FAT3: variants seen among roughly 807,000 people sequenced by gnomAD.
The protein encoded by FAT3 is protocadherin Fat 3.
FAT3 carries 95 observed loss-of-function variants against 310.2 expected under a neutral mutation model. The observed-to-expected ratio is 0.31, with a 90% CI of 0.26 to 0.36. FAT3 has a LOEUF of 0.36. FAT3 is among the 10% of genes least tolerant of loss of function. The probability of loss-of-function intolerance (pLI) is 1.00; values close to 1 mark genes in which losing one functional copy is unlikely to be tolerated. For synonymous variants in FAT3, 2,314 were observed against 2,192.9 expected (o/e 1.06, Z -1.54); for missense variants, 5,408 against 5,715.6 (o/e 0.95, Z 1.74).
Position 92,382,811 on chromosome 11 carries a change from C to A in FAT3, c.3292+27407C>A, listed in dbSNP as rs149765232. 5.6e-3 allele frequency among the ~76,000 whole-genome samples: 852 copies of A among 152,192 alleles called. 10 individuals are homozygous for A. The highest frequency in any genetic ancestry group is 0.019 in the African/African-American group (799 of 41,532). ...CAGGTATGGGTAGGCCAGGCTTCTG[C>A]CTTTTTAAAATTTTTATTTTCTTCA... On this transcript the variant is annotated intron_variant, in intron 2 of 27. Transcript: ENST00000525166.
chr11:92,533,279 T>G (rs912560815), intron 3 of FAT3, among the ~76,000 whole-genome samples: 5 of 152,048 alleles, frequency 3.3e-5, no homozygotes, highest in Admixed American at 6.6e-5. Context: ...CCTCCCATCT[T>G]CCCATGTGCT....
chr11:92,745,429 T>C (rs941939305), intron 4 of FAT3, among the ~76,000 whole-genome samples: 17 of 152,154 alleles, frequency 1.1e-4, no homozygotes, highest in African/African-American at 4.1e-4. Flanking sequence ...TAGTCACCAT[T>C]GTACTAAAGA....
At chr11:92,466,167 T>G (rs1000518854) in intron 2 of FAT3, among the ~76,000 whole-genome samples, 2 of 152,206 alleles carry the variant, frequency 1.3e-5, no homozygotes, top group African/African-American at 4.8e-5. Context: ...ATGTGAGCTC[T>G]GACTCTTTGA....
intron 2 of FAT3, among the ~76,000 whole-genome samples, chr11:92,425,919 A>T (rs1489922094): frequency 6.6e-6 from 1 of 152,222 alleles, no homozygotes; most frequent in Non-Finnish European, 1.5e-5. Flanking sequence ...TTATTGTATC[A>T]AATGGTATTT....
intron 4 of FAT3, among the ~76,000 whole-genome samples, chr11:92,749,630 ATGACGGAGG>A (rs1945774953): frequency 6.6e-6 from 1 of 152,198 alleles, no homozygotes; most frequent in Non-Finnish European, 1.5e-5. Flanking sequence ...ATATGAGACT[ATGACGGAGG>A]TAGGAAAATA....
At chr11:92,723,686 C>A (rs1457564534) in intron 4 of FAT3, among the ~76,000 whole-genome samples, 1 of 152,178 alleles carries the variant, frequency 6.6e-6, no homozygotes, top group East Asian at 1.9e-4. Context: ...CTGGGGAGGC[C>A]TATCTATCAT....
At chr11:92,731,644 G>T (rs1591658952) in intron 4 of FAT3, among the ~76,000 whole-genome samples, 1 of 151,934 alleles carries the variant, frequency 6.6e-6, no homozygotes, top group East Asian at 1.9e-4. Flanking sequence ...GATAATGATA[G>T]TGTCTTACTC....
intron 1 of FAT3, among the ~76,000 whole-genome samples, chr11:92,283,360 A>G (rs1946477578): frequency 1.3e-5 from 2 of 152,146 alleles, no homozygotes; most frequent in African/African-American, 4.8e-5. Flanking sequence ...ACACCAAACC[A>G]CCACCTTAAG....
In FAT3 at chr11:92,581,370, C is replaced by T. The variant is rs540281875; in HGVS notation, c.3607+56422C>T. ...AGGCTGTTCTTACTCTTGAGGACAACAGACTCAGACTGATCCCCCACTGGG... is the reference window on the plus strand; with the variant it reads ...AGGCTGTTCTTACTCTTGAGGACAATAGACTCAGACTGATCCCCCACTGGG... On this transcript the variant is annotated intron_variant, in intron 3 of 27. Coordinates refer to ENST00000525166, the MANE Select transcript of FAT3 (RefSeq NM_001367949.2). 2.1e-4 allele frequency among the ~76,000 whole-genome samples: 32 copies of T among 151,650 alleles called. No homozygotes were observed. The South Asian group carries it at 6.6e-3, about 31-fold the overall frequency.
intron 24 of FAT3, among the ~76,000 whole-genome samples, chr11:92,886,390 C>A (rs1034404647): frequency 1.3e-5 from 2 of 151,382 alleles, no homozygotes; most frequent in Non-Finnish European, 2.9e-5. Flanking sequence ...TGTCTTTGTA[C>A]GGTAAAGAAG....
At chr11:92,244,287 C>T (rs1864800410) in intron 1 of FAT3, among the ~76,000 whole-genome samples, 1 of 152,038 alleles carries the variant, frequency 6.6e-6, no homozygotes, top group South Asian at 2.1e-4. Flanking sequence ...TTTTATAACC[C>T]TTTTATGGGA....
chr11:92,738,715 A>G (rs1945421490), intron 4 of FAT3, among the ~76,000 whole-genome samples: 1 of 152,146 alleles, frequency 6.6e-6, no homozygotes, highest in African/African-American at 2.4e-5. Flanking sequence ...AAGTATGTAC[A>G]TTTTTTTGTG....
chr11:92,782,539 T>C (rs1047441783), intron 7 of FAT3, among the ~76,000 whole-genome samples: 10 of 151,918 alleles, frequency 6.6e-5, no homozygotes, highest in Admixed American at 2.0e-4. Flanking sequence ...ACCACTATAC[T>C]CCAAAGACCC....
At chr11:92,714,696 G>A (rs532605661) in intron 4 of FAT3, among the ~76,000 whole-genome samples, 81 of 152,214 alleles carry the variant, frequency 5.3e-4, no homozygotes, top group African/African-American at 1.8e-3. Flanking sequence ...CAGTTTCCAC[G>A]TATTTTCTCC....
chr11:92,758,177 G>A (rs1946052813), intron 4 of FAT3, among the ~76,000 whole-genome samples: 1 of 152,166 alleles, frequency 6.6e-6, no homozygotes, highest in African/African-American at 2.4e-5. Context: ...TGTACCAGGT[G>A]CCAGAACATA....
intron 1 of FAT3, among the ~76,000 whole-genome samples, chr11:92,299,749 A>G (rs1394284199): frequency 6.6e-6 from 1 of 152,148 alleles, no homozygotes; most frequent in African/African-American, 2.4e-5. Flanking sequence ...ACAAAAAGCC[A>G]TATCTTCATT....
intron 2 of FAT3, among the ~76,000 whole-genome samples, chr11:92,474,062 A>T (rs1951981463): frequency 6.6e-6 from 1 of 152,170 alleles, no homozygotes; most frequent in Non-Finnish European, 1.5e-5. Context: ...TGATTGTCAG[A>T]AGATAAAGGA....
intron 2 of FAT3, among the ~76,000 whole-genome samples, chr11:92,440,293 ATTGT>A (rs1415255871): frequency 6.6e-6 from 1 of 152,152 alleles, no homozygotes; most frequent in Non-Finnish European, 1.5e-5. Context: ...GAGTCAGTAA[ATTGT>A]TTGTTATTAA....
At chr11:92,639,379 G>C (rs941007597) in intron 3 of FAT3, among the ~76,000 whole-genome samples, 1 of 152,016 alleles carries the variant, frequency 6.6e-6, no homozygotes, top group Admixed American at 6.6e-5. Flanking sequence ...TCAAGAGCTG[G>C]GTGCCTCTCT....
Sources: gnomAD v4.1 joint callset for allele counts (sites outside exome capture counted in the v4.1 genomes callset) on GRCh38, gnomAD v4.1.1 for gene constraint, MANE v1.5 for transcripts, NCBI Gene and HGNC (gene_info 2026-07-23, HGNC 2026-07-21) for gene names.